Variants in CDK19 observed in about 807,000 individuals in gnomAD.
The protein encoded by CDK19 is cyclin-dependent kinase 19.
In CDK19, 20 loss-of-function variants were observed where a neutral mutation model predicts 68.3. The observed-to-expected ratio is 0.29, with a 90% CI of 0.21 to 0.43. The LOEUF (loss-of-function observed/expected upper bound fraction) is 0.43. CDK19 is among the 20% of genes least tolerant of loss of function. CDK19 has a pLI of 1.00. For missense variants in CDK19, 339 were observed against 623.5 expected (o/e 0.54, Z 4.86); for synonymous variants, 221 against 222.8 (o/e 0.99, Z 0.07).
intron 2 of CDK19, among the ~76,000 whole-genome samples, chr6:110,723,154 A>AC (rs1013027476): frequency 4.0e-5 from 6 of 150,990 alleles, no homozygotes; most frequent in Admixed American, 1.3e-4. Context: ...CAAAAAACAA[A>AC]AAAAAAAACG....
chr6:110,764,594 C>T (rs1410959268), intron 1 of CDK19, among the ~76,000 whole-genome samples: 1 of 152,182 alleles, frequency 6.6e-6, no homozygotes, highest in Non-Finnish European at 1.5e-5. Context: ...ACAGACCTTA[C>T]ACCCTGCACA....
chr6:110,654,980 A>T (rs1456508843), intron 4 of CDK19, among the ~76,000 whole-genome samples: 1 of 151,962 alleles, frequency 6.6e-6, no homozygotes, highest in Non-Finnish European at 1.5e-5. Flanking sequence ...ACAGAAGTTG[A>T]AGGAAACTAG....
chr6:110,705,282 C>G (rs1481900332), intron 2 of CDK19, among the ~76,000 whole-genome samples: 1 of 152,120 alleles, frequency 6.6e-6, no homozygotes, highest in African/African-American at 2.4e-5. Flanking sequence ...TCAGGTGATC[C>G]ACCTGCCTCG....
intron 4 of CDK19, chr6:110,646,531 C>T: frequency 7.9e-7 from 1 of 1,264,378 alleles, no homozygotes; most frequent in Non-Finnish European, 1.1e-6. Flanking sequence ...TGCGCCTCCA[C>T]CTGCAACAGG....
chr6:110,652,848 AG>A (rs1220284944), intron 4 of CDK19, among the ~76,000 whole-genome samples: 11 of 152,326 alleles, frequency 7.2e-5, no homozygotes, highest in African/African-American at 2.4e-4. Flanking sequence ...GGAAGCTCTA[AG>A]TGTGGACTCT....
intron 4 of CDK19, among the ~76,000 whole-genome samples, chr6:110,644,992 T>C (rs1780458597): frequency 1.3e-5 from 2 of 152,140 alleles, no homozygotes; most frequent in Non-Finnish European, 2.9e-5. Context: ...AAAATAAATA[T>C]AACTTCAGGG....
At chr6:110,713,588 G>A (rs914280170) in intron 2 of CDK19, among the ~76,000 whole-genome samples, 20 of 151,718 alleles carry the variant, frequency 1.3e-4, no homozygotes, top group Non-Finnish European at 2.2e-4. Flanking sequence ...GTAGAGATGG[G>A]GTCTACTATG....
intron 1 of CDK19, among the ~76,000 whole-genome samples, chr6:110,796,885 C>T (rs1426176275): frequency 6.6e-6 from 1 of 151,346 alleles, no homozygotes; most frequent in Non-Finnish European, 1.5e-5. Flanking sequence ...TGGCACACAC[C>T]TGTAATCCCA....
chr6:110,772,420 C>A (rs1219949875), intron 1 of CDK19, among the ~76,000 whole-genome samples: 1 of 152,012 alleles, frequency 6.6e-6, no homozygotes, highest in Admixed American at 6.6e-5. Flanking sequence ...TCCCACAACA[C>A]GTGGGAATTA....
At chr6:110,747,814 CCAGACTTTTT>C (rs1444372275) in intron 1 of CDK19, among the ~76,000 whole-genome samples, 1 of 152,024 alleles carries the variant, frequency 6.6e-6, no homozygotes, top group Non-Finnish European at 1.5e-5. Flanking sequence ...AGACATAAAA[CCAGACTTTTT>C]CAGACCACTC....
Position 110,622,847 on chromosome 6 carries a change from G to C in CDK19, c.999C>G (p.Pro333=). ...TTGGCAAAGGGTCCTCCTGAAAATA[G>C]GGATCCTGCAGAGCTTGCTCCGAGG... ...RITSEQALQD[P]YFQEDPLPTL... The change falls in exon 10 of 13, where the codon CCC becomes CCG. Residue 333 remains proline, a synonymous_variant. Transcript: ENST00000368911. The C allele has an allele frequency of 6.2e-7, 1 of 1,613,204 alleles. No homozygotes were observed. The highest frequency in any genetic ancestry group is 8.5e-7 in the Non-Finnish European group (1 of 1,179,134).
At chr6:110,711,303 T>G (rs567519555) in intron 2 of CDK19, among the ~76,000 whole-genome samples, 12 of 152,360 alleles carry the variant, frequency 7.9e-5, no homozygotes, top group African/African-American at 2.9e-4. Context: ...ATTTATTAAT[T>G]ATACCTTCAA....
At chr6:110,668,614 C>T (rs1209202159) in intron 3 of CDK19, among the ~76,000 whole-genome samples, 1 of 152,096 alleles carries the variant, frequency 6.6e-6, no homozygotes, top group Non-Finnish European at 1.5e-5. Flanking sequence ...AGGTGGATCA[C>T]CTGAGGTGAG....
chr6:110,737,767 A>T (rs1385984291), intron 2 of CDK19, among the ~76,000 whole-genome samples: 1 of 152,212 alleles, frequency 6.6e-6, no homozygotes, highest in East Asian at 1.9e-4. Context: ...TTATTTTGCC[A>T]AGGAAGCTAA....
intron 1 of CDK19, among the ~76,000 whole-genome samples, chr6:110,762,676 T>C (rs138268937): frequency 6.6e-6 from 1 of 152,330 alleles, no homozygotes; most frequent in East Asian, 1.9e-4. Flanking sequence ...TTCATTAATA[T>C]CAGTTCCTCC....
At chr6:110,681,414 G>C (rs539926727) in intron 2 of CDK19, among the ~76,000 whole-genome samples, 1 of 152,132 alleles carries the variant, frequency 6.6e-6, no homozygotes, top group African/African-American at 2.4e-5. Context: ...GTGAGATTAT[G>C]CATAATTTAT....
At chr6:110,691,801 C>T (rs961329047) in intron 2 of CDK19, among the ~76,000 whole-genome samples, 16 of 150,922 alleles carry the variant, frequency 1.1e-4, no homozygotes, top group African/African-American at 3.4e-4. Context: ...GCACATGCCA[C>T]GATGCCGGGC....
chr6:110,776,923 T>C (rs1435906632), intron 1 of CDK19, among the ~76,000 whole-genome samples: 1 of 152,202 alleles, frequency 6.6e-6, no homozygotes, highest in South Asian at 2.1e-4. Context: ...ATAGGTACTA[T>C]TATACTTTAA....
intron 12 of CDK19, among the ~76,000 whole-genome samples, chr6:110,618,293 C>T (rs1778476191): frequency 6.6e-6 from 1 of 152,082 alleles, no homozygotes; most frequent in Admixed American, 6.6e-5. Flanking sequence ...CCACCACAAC[C>T]AGCTAATTTT....
Sources: allele counts gnomAD v4.1 joint callset (sites outside exome capture counted in the v4.1 genomes callset), GRCh38; gene constraint gnomAD v4.1.1; transcripts MANE v1.5; gene names NCBI Gene and HGNC (gene_info 2026-07-23, HGNC 2026-07-21).